Variants in FAM136A observed in about 807,000 individuals in gnomAD.
The protein encoded by FAM136A is TIM double twin CX3C motif protein.
FAM136A carries 25 observed loss-of-function variants against 21.6 expected under a neutral mutation model. The observed-to-expected ratio is 1.16, with a 90% CI of 0.84 to 1.62. The LOEUF (loss-of-function observed/expected upper bound fraction) is 1.62. Ranked by LOEUF, FAM136A falls within the 40% of genes most tolerant of loss-of-function variation. The pLI, the probability that FAM136A is intolerant of heterozygous loss-of-function variation, is 0.00. For missense variants in FAM136A, 338 were observed against 332.0 expected (o/e 1.02, Z -0.14); for synonymous variants, 119 against 129.4 (o/e 0.92, Z 0.55).
Position 70,298,138 on chromosome 2 carries a change from G to A in FAM136A, c.550-661C>T, listed in dbSNP as rs945862042. On this transcript the variant is annotated intron_variant, in intron 2 of 2. Transcript: ENST00000430566. ...ACGGAGTTTCGCTCTTGTTGCCTAA[G>A]CTGGAGTGCAATGGCACAATCTCGG... is the stretch of plus-strand genomic sequence containing the variant. 1.3e-4 allele frequency among the ~76,000 whole-genome samples: 19 copies of A among 151,426 alleles called. 1 individual carries two copies. The highest frequency in any genetic ancestry group is 3.4e-3 in the Middle Eastern group (1 of 292).
Position 70,296,092 on chromosome 2 carries a change from A to G in FAM136A, c.*1197T>C, listed in dbSNP as rs1265085731. On this transcript the variant is annotated 3_prime_UTR_variant, in exon 3 of 3. Transcript: ENST00000430566. ...ATAATTTCAAGTAATAAGTTGGTGA[A>G]AATTCAACGAAGTTGCTATCAAAAC... is the stretch of plus-strand genomic sequence containing the variant. The G allele has an allele frequency of 4.6e-5, 7 of 152,698 alleles. No individual in the cohort carries two copies. The highest frequency in any genetic ancestry group is 1.4e-4 in the African/African-American group (6 of 41,466). The allele number at this position is 152,698 out of a possible 1,614,324, so 9.5% of individuals were successfully genotyped here. A position where few individuals can be genotyped will look rare whatever the true frequency, so the allele number is the denominator to read the frequency against.
At chr2:70,299,219 T>C (rs1332825267) in intron 2 of FAM136A, among the ~76,000 whole-genome samples, 1 of 152,222 alleles carries the variant, frequency 6.6e-6, no homozygotes, top group East Asian at 1.9e-4. Flanking sequence ...CCTCAGGCTA[T>C]GAAAGGCTGG....
In FAM136A at chr2:70,301,866, G is replaced by A; in HGVS notation, c.146C>T (p.Ser49Phe). ...GCAAGGCGTCGCGTGGTGGCTGAGG[G>A]AAGGGCCCGGAACCCACCCGCTGAG... ...PLLSGWVPGP[S>F]LSHHATPCTA... The change falls in exon 1 of 3, where the codon TCC (serine) becomes TTC (phenylalanine). Residue 49 changes from serine to phenylalanine, a missense_variant. By Grantham distance (155) the Ser-to-Phe change is radical. Transcript: ENST00000430566. The A allele has an allele frequency of 1.3e-6, 2 of 1,558,624 alleles. No homozygotes were observed. The highest frequency in any genetic ancestry group is 1.7e-6 in the Non-Finnish European group (2 of 1,151,430).
chr2:70,296,437 A>G lies in FAM136A; in HGVS notation c.*852T>C, dbSNP rs1004976540. 3 of 151,040 alleles carry G rather than the reference A, an allele frequency of 2.0e-5. No individual in the cohort carries two copies. The highest frequency in any genetic ancestry group is 7.3e-5 in the African/African-American group (3 of 41,006). 9.4% of individuals were successfully genotyped at this position (151,040 alleles called of 1,614,324 possible). A position where few individuals can be genotyped will look rare whatever the true frequency, so the allele number is the denominator to read the frequency against. ...GCCAACTGCTCCTCTTTTACTGTTC[A>G]TTCCTAGATACTAGTATATATCACA... On this transcript the variant is annotated 3_prime_UTR_variant, in exon 3 of 3. Coordinates refer to ENST00000430566, the MANE Select transcript of FAM136A (RefSeq NM_001329752.2).
At chr2:70,301,225 G>A (rs1327221189) in intron 1 of FAM136A, 3 of 832,554 alleles carry the variant, frequency 3.6e-6, no homozygotes, top group Admixed American at 2.9e-5. Flanking sequence ...TGCACCGATG[G>A]TTGGGTGAAC....
chr2:70,299,752 C>T (rs964320369), intron 2 of FAM136A, among the ~76,000 whole-genome samples: 4 of 151,966 alleles, frequency 2.6e-5, no homozygotes, highest in African/African-American at 9.7e-5. Flanking sequence ...AGGCGCCCAC[C>T]ACCACACCTG....
At chr2:70,300,526 C>A (rs1002702859) in intron 2 of FAM136A, 5 of 182,202 alleles carry the variant, frequency 2.7e-5, no homozygotes, top group Non-Finnish European at 5.7e-5. Flanking sequence ...GGGGTTTCAC[C>A]ATGTTGGCCA....
Position 70,301,708 on chromosome 2 carries a change from C to A in FAM136A, c.304G>T (p.Ala102Ser), listed in dbSNP as rs982963820. 3.3e-6 allele frequency: 5 copies of A among 1,535,976 alleles called. No homozygotes were observed. The South Asian group carries it at 6.0e-5, about 18-fold the overall frequency. ...CGCTCCTGCCCCGGGCTGGAAGGGG[C>A]GGAAAACAGCCTCGCGCACGGCAAG... ...VPLPCARLFSAPSSPGQERPR... is the reference protein window; with the variant it reads ...VPLPCARLFSSPSSPGQERPR... The change falls in exon 1 of 3, where the codon GCC becomes TCC. Residue 102 changes from alanine to serine, a missense_variant. Transcript: ENST00000430566.
rs1219598347 is a variant in FAM136A, at chr2:70,301,976, C to T, written c.36G>A (p.Ala12=). 1 of 1,607,542 alleles carries T rather than the reference C, an allele frequency of 6.2e-7. No homozygotes were observed. Residue 12 remains alanine (A), a synonymous_variant, in exon 1 of 3, where the codon GCG becomes GCA. Coordinates refer to ENST00000430566, the MANE Select transcript of FAM136A (RefSeq NM_001329752.2). ...AELQQLRVQE[A]VESMVKSLER... is the part of the protein sequence containing the mutation. ...CCAGACTCTTCACCATGGACTCCAC[C>T]GCCTCCTGCACCCGGAGCTGCTGCA... is the stretch of plus-strand genomic sequence containing the variant.
chr2:70,297,217 A>T lies in FAM136A; in HGVS notation c.*72T>A. The T allele has an allele frequency of 6.7e-7, 1 of 1,498,808 alleles. No homozygotes were observed. The highest frequency in any genetic ancestry group is 9.0e-7 in the Non-Finnish European group (1 of 1,109,632). The allele number at this position is 1,498,808 out of a possible 1,614,324, so 92.8% of individuals were successfully genotyped here. A position where few individuals can be genotyped will look rare whatever the true frequency, so the allele number is the denominator to read the frequency against. ...TCTTCATTCGTAAACTTTGCTTAAA[A>T]GACTAAAATTCCCAATTCCTTATAA... On this transcript the variant is annotated 3_prime_UTR_variant, in exon 3 of 3. Transcript: ENST00000430566.
chr2:70,298,969 GA>G (rs1214173935), intron 2 of FAM136A, among the ~76,000 whole-genome samples: 1 of 152,200 alleles, frequency 6.6e-6, no homozygotes, highest in Non-Finnish European at 1.5e-5. Context: ...AGTGAAGAGT[GA>G]AAGTCCACTT....
In FAM136A at chr2:70,296,031, TCA is replaced by T. The variant is rs2104932712; in HGVS notation, c.*1256_*1257del. On this transcript the variant is annotated 3_prime_UTR_variant, in exon 3 of 3. Transcript: ENST00000430566. ...AAAGTCAAACCACTAGGAAAATATA[TCA>T]CAGCCTGGAAACAGCAAACGGACAG... is the stretch of plus-strand genomic sequence containing the variant. 1 of 152,718 alleles carries T rather than the reference TCA, an allele frequency of 6.5e-6. No homozygotes were observed. The highest frequency in any genetic ancestry group is 2.4e-5 in the African/African-American group (1 of 41,560). The allele number at this position is 152,718 out of a possible 1,614,324, so 9.5% of individuals were successfully genotyped here.
chr2:70,298,073 T>G (rs1697302116), intron 2 of FAM136A, among the ~76,000 whole-genome samples: 1 of 151,908 alleles, frequency 6.6e-6, no homozygotes, highest in African/African-American at 2.4e-5. Context: ...GAGGTTATTG[T>G]AAGATGTACA....
In FAM136A at chr2:70,301,945, C is replaced by G. The variant is rs1422366553; in HGVS notation, c.67G>C (p.Glu23Gln). Residue 23 changes from glutamate to glutamine, a missense_variant, in exon 1 of 3, where the codon GAG (glutamate) becomes CAG (glutamine). Physicochemically the swap from Glu to Gln is conservative, Grantham distance 29 (BLOSUM62 2). Transcript: ENST00000430566. ...VESMVKSLER[E>Q]NIRKMQVAGL... ...GCTACCTGCATCTTCCGGATGTTCT[C>G]TCTTTCCAGACTCTTCACCATGGAC... The G allele has an allele frequency of 1.9e-6, 3 of 1,609,258 alleles. No homozygotes were observed. Among genetic ancestry groups the G allele is most frequent in the Non-Finnish European group, 2.5e-6 (3 of 1,178,884 alleles).
At chr2:70,298,672 A>G (rs998434494) in intron 2 of FAM136A, among the ~76,000 whole-genome samples, 2 of 152,314 alleles carry the variant, frequency 1.3e-5, no homozygotes, top group Admixed American at 1.3e-4. Context: ...ATTTACAGCT[A>G]TGAGGCTAGA....
rs199565792 is a variant in FAM136A at position 70,297,468 on chromosome 2, C to A, written c.559G>T (p.Ala187Ser). 1.7e-4 allele frequency: 281 copies of A among 1,613,734 alleles called. 4 individuals are homozygous for A. In the East Asian group the frequency reaches 6.2e-3, roughly 36 times the overall value. Residue 187 changes from alanine (A) to serine (S), a missense_variant, in exon 3 of 3, where the codon GCC becomes TCC. Ala to Ser is a moderately conservative substitution (Grantham distance 99). Transcript: ENST00000430566. Reference protein sequence around the residue: ...SELEKFQDRLARCTMHCNDKA... With the variant: ...SELEKFQDRLSRCTMHCNDKA... ...TCGTTGCAATGCATGGTGCACCGGG[C>A]CAGGCGGTCCTGTGGCAAGAAGGAA...
intron 1 of FAM136A, 164 bp from the exon 2 acceptor site, chr2:70,301,144 T>C: frequency 1.1e-6 from 1 of 873,188 alleles, no homozygotes; most frequent in Non-Finnish European, 1.7e-6. Flanking sequence ...AAACCACCAC[T>C]GGGGAAAATT....
In FAM136A at chr2:70,301,907, C is replaced by G. The variant is rs1022366293; in HGVS notation, c.105G>C (p.Pro35=). 6.2e-7 allele frequency: 1 copy of G among 1,600,050 alleles called. No homozygotes were observed. ...IRKMQVAGLG[P]NQDPLLSGWV... ...ACCCGCTGAGAAGGGGGTCCTGGTTCGGCCCCAGCCCCGCTACCTGCATCT... is the reference window on the plus strand; with the variant it reads ...ACCCGCTGAGAAGGGGGTCCTGGTTGGGCCCCAGCCCCGCTACCTGCATCT... Residue 35 remains proline, a synonymous_variant, in exon 1 of 3, where the codon CCG becomes CCC. Transcript: ENST00000430566.
At position 70,296,293 on chromosome 2, in the gene FAM136A, GCT is replaced by G. The variant is rs1428277112; in HGVS notation, c.*994_*995del. Reference sequence around the variant, plus strand: ...GTTGCCAGGGGTTTGTCTCAATTGGGCTCTGTTAATTCAGGGGGCTAAGTAGG... The same window carrying G: ...GTTGCCAGGGGTTTGTCTCAATTGGGCTGTTAATTCAGGGGGCTAAGTAGG... On this transcript the variant is annotated 3_prime_UTR_variant, in exon 3 of 3. Transcript: ENST00000430566. 5 of 160,846 alleles carry G rather than the reference GCT, an allele frequency of 3.1e-5. No homozygotes were observed. 10.0% of individuals were successfully genotyped at this position (160,846 alleles called of 1,614,324 possible).
Sources: allele counts gnomAD v4.1 joint callset (sites outside exome capture counted in the v4.1 genomes callset), GRCh38; gene constraint gnomAD v4.1.1; transcripts MANE v1.5; gene names NCBI Gene and HGNC (gene_info 2026-07-23, HGNC 2026-07-21).